The following NOL4 variants were observed in gnomAD, a reference collection of about 807,000 sequenced individuals.
NOL4 encodes nucleolar protein 4.
In NOL4, 17 loss-of-function variants were observed where a neutral mutation model predicts 75.9. The ratio of observed to expected loss-of-function variants is 0.22; its 90% CI spans 0.15 to 0.34. The LOEUF (loss-of-function observed/expected upper bound fraction) is 0.34, where lower values mean the gene tolerates loss of function less well. NOL4 is among the 10% of genes least tolerant of loss of function. The probability of loss-of-function intolerance (pLI) is 1.00; values close to 1 mark genes in which losing one functional copy is unlikely to be tolerated. For missense variants in NOL4, 614 were observed against 793.5 expected, an observed-to-expected ratio of 0.77 and a Z score of 2.72; for synonymous variants, 292 against 289.9, an observed-to-expected ratio of 1.01 and a Z score of -0.07.
chr18:34,137,167 T>C (rs12604511), intron 1 of NOL4, among the ~76,000 whole-genome samples: 6,889 of 152,196 alleles, frequency 0.045, 239 homozygotes, highest in South Asian at 0.12. Context: ...TCAATGTAAA[T>C]GTAAGAGCTA....
chr18:34,014,571 T>C (rs1335899015), intron 6 of NOL4, among the ~76,000 whole-genome samples: 1 of 152,006 alleles, frequency 6.6e-6, no homozygotes, highest in Admixed American at 6.6e-5. Context: ...CATCTATACC[T>C]AGATTGGTGT....
chr18:33,856,744 C>A (rs2062855258), intron 10 of NOL4, among the ~76,000 whole-genome samples: 1 of 151,988 alleles, frequency 6.6e-6, no homozygotes, highest in South Asian at 2.1e-4. Flanking sequence ...AGCCATGAGG[C>A]AGAATTGCAG....
intron 9 of NOL4, among the ~76,000 whole-genome samples, chr18:33,940,652 C>A (rs1372019088): frequency 6.6e-6 from 1 of 151,810 alleles, no homozygotes; most frequent in Non-Finnish European, 1.5e-5. Context: ...ACCTATGTAA[C>A]CTGCACGTTC....
chr18:34,091,404 C>A (rs1439040381), intron 5 of NOL4, among the ~76,000 whole-genome samples: 1 of 151,834 alleles, frequency 6.6e-6, no homozygotes, highest in East Asian at 1.9e-4. Flanking sequence ...AAGGGCTTGA[C>A]AGAAGGAGTT....
intron 6 of NOL4, among the ~76,000 whole-genome samples, chr18:34,003,419 A>G (rs533746574): frequency 1.3e-5 from 2 of 152,234 alleles, no homozygotes; most frequent in East Asian, 3.9e-4. Flanking sequence ...AAAAAGTGAA[A>G]TAAAGTTTAC....
At chr18:34,143,338 GTAA>G (rs2081265738) in intron 1 of NOL4, among the ~76,000 whole-genome samples, 1 of 152,056 alleles carries the variant, frequency 6.6e-6, no homozygotes, top group African/African-American at 2.4e-5. Flanking sequence ...AATAAAATAT[GTAA>G]TAACTCTTAC....
rs542716654 is a variant in NOL4 at position 33,859,476 on chromosome 18, G to GT, written c.1724-6442dup. Among the ~76,000 whole-genome samples, 27 of 151,970 alleles carry GT rather than the reference G, an allele frequency of 1.8e-4. No homozygotes were observed. The South Asian group carries it at 5.4e-3, about 30-fold the overall frequency. On this transcript the variant is annotated intron_variant, in intron 10 of 10. Transcript: ENST00000261592. ...TTTTCTGGTGTAACTTTTTTTGTTT[G>GT]TTTTTTGTTTTTCTGAGAGACTTGT... is the stretch of plus-strand genomic sequence containing the variant.
At chr18:33,871,883 T>C (rs1599693394) in intron 10 of NOL4, among the ~76,000 whole-genome samples, 1 of 152,188 alleles carries the variant, frequency 6.6e-6, no homozygotes, top group South Asian at 2.1e-4. Context: ...GGAGGCTTTC[T>C]GCCCTGCAGT....
At chr18:34,175,339 C>A (rs956787881) in intron 1 of NOL4, among the ~76,000 whole-genome samples, 10 of 152,116 alleles carry the variant, frequency 6.6e-5, no homozygotes, top group Non-Finnish European at 1.3e-4. Context: ...ATGTAAAAAA[C>A]AATTACAGGA....
intron 2 of NOL4, among the ~76,000 whole-genome samples, chr18:34,109,403 C>T (rs2079476771): frequency 6.6e-6 from 1 of 151,996 alleles, no homozygotes. Context: ...CCTGTAGTCC[C>T]AGCTACTCAG....
At chr18:34,148,090 T>C (rs1312483076) in intron 1 of NOL4, among the ~76,000 whole-genome samples, 1 of 152,094 alleles carries the variant, frequency 6.6e-6, no homozygotes, top group East Asian at 1.9e-4. Flanking sequence ...ATTGTGTCTG[T>C]TTGATTCTTC....
intron 9 of NOL4, among the ~76,000 whole-genome samples, chr18:33,921,241 C>T (rs913017277): frequency 6.6e-6 from 1 of 152,068 alleles, no homozygotes; most frequent in South Asian, 2.1e-4. Flanking sequence ...GATTTAAAGA[C>T]AATATTTGGG....
At chr18:34,011,478 T>C (rs954194344) in intron 6 of NOL4, among the ~76,000 whole-genome samples, 1 of 151,754 alleles carries the variant, frequency 6.6e-6, no homozygotes, top group Non-Finnish European at 1.5e-5. Flanking sequence ...GAGACATATA[T>C]AAATCACTTC....
intron 4 of NOL4, among the ~76,000 whole-genome samples, chr18:34,103,366 C>T (rs1202515111): frequency 1.3e-5 from 2 of 151,982 alleles, no homozygotes; most frequent in African/African-American, 2.4e-5. Context: ...CCTGCTTTGA[C>T]ATAGCTTCAA....
At chr18:33,959,505 T>A (rs1333032704) in intron 6 of NOL4, among the ~76,000 whole-genome samples, 1 of 152,084 alleles carries the variant, frequency 6.6e-6, no homozygotes, top group East Asian at 1.9e-4. Context: ...TTTTATATAC[T>A]CTTTGAGACC....
chr18:33,943,967 ATTC>A lies in NOL4; in HGVS notation c.1429-792_1429-790del, dbSNP rs556315287. 9.9e-5 allele frequency among the ~76,000 whole-genome samples: 15 copies of A among 152,032 alleles called. No homozygotes were observed. The East Asian group carries it at 2.3e-3, about 24-fold the overall frequency. ...AACCATAACAAAAATTATGATTTTC[ATTC>A]TTTTTTCCATAATTACATGCAAAGT... On this transcript the variant is annotated intron_variant, in intron 8 of 10. Coordinates refer to ENST00000261592, the MANE Select transcript of NOL4 (RefSeq NM_003787.5).
intron 1 of NOL4, among the ~76,000 whole-genome samples, chr18:34,147,101 G>A (rs1275855100): frequency 5.3e-5 from 8 of 152,110 alleles, no homozygotes; most frequent in East Asian, 1.9e-4. Flanking sequence ...TTGCTTATGC[G>A]CTTAAGGAGA....
chr18:34,098,590 A>G (rs954528540), intron 4 of NOL4, among the ~76,000 whole-genome samples: 1 of 152,318 alleles, frequency 6.6e-6, no homozygotes, highest in African/African-American at 2.4e-5. Flanking sequence ...TTAATAAATC[A>G]TTTTTGTATT....
In NOL4 at chr18:33,908,058, T is replaced by A. The variant is rs184358036; in HGVS notation, c.1543-24634A>T. Among the ~76,000 whole-genome samples the A allele has an allele frequency of 5.1e-3, 783 of 152,262 alleles. 5 individuals are homozygous for A. The highest frequency in any genetic ancestry group is 8.7e-3 in the South Asian group (42 of 4,826). ...CTACAATTTATGTTAAAATTATGGT[T>A]AGATTGATTGTCACAAATGGTTCTA... On this transcript the variant is annotated intron_variant, in intron 9 of 10. Transcript: ENST00000261592.
Sources: gnomAD v4.1 joint callset for allele counts (sites outside exome capture counted in the v4.1 genomes callset) on GRCh38, gnomAD v4.1.1 for gene constraint, MANE v1.5 for transcripts, NCBI Gene and HGNC (gene_info 2026-07-23, HGNC 2026-07-21) for gene names.